The following ZNF727 variants were observed in gnomAD, a reference collection of about 807,000 sequenced individuals.
ZNF727 encodes zinc finger protein 727, also known as putative zinc finger protein 727.
In ZNF727, 11 loss-of-function variants were observed where a neutral mutation model predicts 11.5. That is an observed-to-expected ratio of 0.95 (90% confidence interval 0.60 to 1.58). The LOEUF is 1.58. Among genes scored for constraint, ZNF727 ranks in the 40% most tolerant of loss-of-function variants. The pLI, the probability that ZNF727 is intolerant of heterozygous loss-of-function variation, is 0.00. For missense variants in ZNF727, 533 were observed against 581.7 expected (o/e 0.92, Z 0.86); for synonymous variants, 171 against 196.1 (o/e 0.87, Z 1.07).
chr7:64,077,280 C>G lies in ZNF727; in HGVS notation c.231C>G (p.Gly77=). 1.3e-6 allele frequency: 2 copies of G among 1,490,228 alleles called. No homozygotes were observed. The highest frequency in any genetic ancestry group is 2.7e-5 in the South Asian group (2 of 74,214). The allele number at this position is 1,490,228 out of a possible 1,614,324, so 92.3% of individuals were successfully genotyped here. The change falls in exon 4 of 4, where the codon GGC becomes GGG. Residue 77 remains glycine, a synonymous_variant. Coordinates refer to ENST00000456806, the MANE Select transcript of ZNF727 (RefSeq NM_001159522.3). ...TGGTTCTTTTTTTTTTTTCAGCTGG[C>G]TCTTTGCATTTTACTGCAGAGATAT... ...RQKTVAKHPA[G]SLHFTAEILL...
intron 1 of ZNF727, among the ~76,000 whole-genome samples, chr7:64,056,081 C>T (rs1418136976): frequency 4.6e-5 from 7 of 152,062 alleles, no homozygotes; most frequent in Admixed American, 6.5e-5. Flanking sequence ...GTGTAATAGC[C>T]ATTGTCATGT....
At chr7:64,069,130 G>GA in intron 2 of ZNF727, 113 bp downstream of exon 2, 17 of 1,180,358 alleles carry the variant, frequency 1.4e-5, no homozygotes, top group Non-Finnish European at 1.9e-5. Context: ...GCTTCAAAAA[G>GA]AAAAAATTGG....
chr7:64,065,472 C>A (rs1341349956), intron 1 of ZNF727, among the ~76,000 whole-genome samples: 1 of 152,140 alleles, frequency 6.6e-6, no homozygotes, highest in Non-Finnish European at 1.5e-5. Flanking sequence ...ATTCTAGGGC[C>A]TTCTGCCTGT....
At chr7:64,068,305 A>G (rs1789903361) in intron 1 of ZNF727, among the ~76,000 whole-genome samples, 1 of 152,134 alleles carries the variant, frequency 6.6e-6, no homozygotes, top group South Asian at 2.1e-4. Context: ...TTCTCTTTGC[A>G]TATCGCTTCC....
At chr7:64,046,314 G>T (rs1789506027) in intron 1 of ZNF727, among the ~76,000 whole-genome samples, 1 of 152,182 alleles carries the variant, frequency 6.6e-6, no homozygotes, top group African/African-American at 2.4e-5. Context: ...TTACATGCAT[G>T]AGCCACTGTC....
intron 1 of ZNF727, among the ~76,000 whole-genome samples, chr7:64,053,370 G>A (rs142007357): frequency 0.047 from 7,123 of 152,212 alleles, 265 homozygotes; most frequent in Non-Finnish European, 0.066. Flanking sequence ...CCCCAGGCTG[G>A]AGTGCAGTGG....
At chr7:64,068,105 A>G (rs1789900072) in intron 1 of ZNF727, among the ~76,000 whole-genome samples, 1 of 152,144 alleles carries the variant, frequency 6.6e-6, no homozygotes, top group South Asian at 2.1e-4. Flanking sequence ...AGCACCGGAT[A>G]CAAATTTCTT....
Position 64,080,533 on chromosome 7 carries a change from T to G in ZNF727, c.*1984T>G, listed in dbSNP as rs1197840893. Among the ~76,000 whole-genome samples, 1 of 152,200 alleles carries G rather than the reference T, an allele frequency of 6.6e-6. No homozygotes were observed. The highest frequency in any genetic ancestry group is 6.6e-5 in the Admixed American group (1 of 15,266). On this transcript the variant is annotated 3_prime_UTR_variant, in exon 4 of 4. Coordinates refer to ENST00000456806, the MANE Select transcript of ZNF727 (RefSeq NM_001159522.3). Reference sequence around the variant, plus strand: ...ATTTTTCTCTAGACTGGCTGTTTTTTCCATCACTTCCTGCAATTATTTTTT... The same window carrying G: ...ATTTTTCTCTAGACTGGCTGTTTTTGCCATCACTTCCTGCAATTATTTTTT...
Position 64,078,470 on chromosome 7 carries a change from A to C in ZNF727, c.1421A>C (p.His474Pro), listed in dbSNP as rs754871508. Residue 474 changes from histidine (H) to proline (P), a missense_variant, in exon 4 of 4, where the codon CAT (histidine) becomes CCT (proline). By Grantham distance (77) the His-to-Pro change is moderately conservative. Transcript: ENST00000456806. The part of the protein sequence containing the change: ...SSSLIKHKRS[H>P]TGDRPTSAKN... ...AGCCTTATTAAACACAAGAGAAGTC[A>C]TACTGGAGACAGACCTACAAGTGCA... 1 of 1,569,280 alleles carries C rather than the reference A, an allele frequency of 6.4e-7. No individual in the cohort carries two copies. Among genetic ancestry groups the C allele is most frequent in the East Asian group, 2.4e-5 (1 of 41,976 alleles).
At chr7:64,062,207 T>C (rs1423026847) in intron 1 of ZNF727, among the ~76,000 whole-genome samples, 1 of 152,072 alleles carries the variant, frequency 6.6e-6, no homozygotes, top group Non-Finnish European at 1.5e-5. Context: ...TCTCAAAATA[T>C]GAATAGTTTA....
At position 64,081,021 on chromosome 7, in the gene ZNF727, C is replaced by T. The variant is rs1272477615; in HGVS notation, c.*2472C>T. Reference sequence around the variant, plus strand: ...CTGGGGGAGTTGTATTGAGCCCCAACTGTGTTCTGTGGCTCCTTGTGATTT... The same window carrying T: ...CTGGGGGAGTTGTATTGAGCCCCAATTGTGTTCTGTGGCTCCTTGTGATTT... On this transcript the variant is annotated 3_prime_UTR_variant, in exon 4 of 4. Transcript: ENST00000456806. 6.6e-6 allele frequency among the ~76,000 whole-genome samples: 1 copy of T among 151,854 alleles called. No individual in the cohort carries two copies. The highest frequency in any genetic ancestry group is 2.4e-5 in the African/African-American group (1 of 41,318).
At chr7:64,054,511 G>A (rs1160918190) in intron 1 of ZNF727, among the ~76,000 whole-genome samples, 1 of 152,154 alleles carries the variant, frequency 6.6e-6, no homozygotes, top group Admixed American at 6.5e-5. Context: ...AAACATAGCT[G>A]CTCTGTCTGT....
intron 2 of ZNF727, 56 bp from the exon 3 acceptor site, chr7:64,069,458 G>C (rs1789924294): frequency 8.9e-6 from 12 of 1,354,806 alleles, no homozygotes; most frequent in East Asian, 2.5e-5. Context: ...CATAGTACTA[G>C]ATTGGTAATC....
At chr7:64,053,406 C>T (rs1030979407) in intron 1 of ZNF727, among the ~76,000 whole-genome samples, 4 of 152,206 alleles carry the variant, frequency 2.6e-5, no homozygotes, top group Admixed American at 6.5e-5. Flanking sequence ...CTGCAATCTC[C>T]GCCTCCTGGG....
chr7:64,050,772 A>ATG (rs1488028835), intron 1 of ZNF727, among the ~76,000 whole-genome samples: 1 of 64,588 alleles, frequency 1.5e-5, no homozygotes, highest in Non-Finnish European at 3.3e-5. Context: ...ATGTATGCAT[A>ATG]TGTATGTGTG....
chr7:64,067,139 GAA>G (rs35184519), intron 1 of ZNF727, among the ~76,000 whole-genome samples: 1 of 151,802 alleles, frequency 6.6e-6, no homozygotes, highest in Non-Finnish European at 1.5e-5. Context: ...CAACAAACAT[GAA>G]AAAAAACTCA....
At position 64,078,942 on chromosome 7, in the gene ZNF727, C is replaced by T. The variant is rs192833237; in HGVS notation, c.*393C>T. 6.1e-4 allele frequency among the ~76,000 whole-genome samples: 93 copies of T among 151,550 alleles called. 2 individuals are homozygous for T. The highest frequency in any genetic ancestry group is 5.9e-4 in the East Asian group (3 of 5,086). ...TGTGGAAAAGGTTTTATGTGGATCT[C>T]GGCCCTTAGAAAACATAAGAGAATT... is the stretch of plus-strand genomic sequence containing the variant. On this transcript the variant is annotated 3_prime_UTR_variant, in exon 4 of 4. Coordinates refer to ENST00000456806, the MANE Select transcript of ZNF727 (RefSeq NM_001159522.3).
At position 64,062,373 on chromosome 7, in the gene ZNF727, G is replaced by T. The variant is rs115750584; in HGVS notation, c.4-6518G>T. ...GCATTTTTGTAGGACAGGTCTGGGG[G>T]TGTTAATAAAATCTCTCAGCTTGTT... On this transcript the variant is annotated intron_variant, in intron 1 of 3. Transcript: ENST00000456806. Among the ~76,000 whole-genome samples, 1,107 of 151,822 alleles carry T rather than the reference G, an allele frequency of 7.3e-3. 19 individuals carry two copies. Among genetic ancestry groups the T allele is most frequent in the African/African-American group, 0.025 (1,042 of 41,456 alleles).
intron 1 of ZNF727, among the ~76,000 whole-genome samples, chr7:64,051,470 G>A (rs1417414426): frequency 2.6e-5 from 4 of 152,144 alleles, no homozygotes; most frequent in Admixed American, 1.3e-4. Flanking sequence ...GAGAAAAAAA[G>A]CTGTCTATGG....
Sources: gnomAD v4.1 joint callset for allele counts (sites outside exome capture counted in the v4.1 genomes callset) on GRCh38, gnomAD v4.1.1 for gene constraint, MANE v1.5 for transcripts, NCBI Gene and HGNC (gene_info 2026-07-23, HGNC 2026-07-21) for gene names.